Variants in SHLD1 observed in about 807,000 individuals in gnomAD.
SHLD1 encodes shieldin complex subunit 1, also known as RINN1-REV7-interacting novel NHEJ regulator 3.
In SHLD1, 3 loss-of-function variants were observed where a neutral mutation model predicts 5.5. The ratio of observed to expected loss-of-function variants is 0.54; its 90% CI spans 0.25 to 1.40. SHLD1 has a LOEUF of 1.40. Ranked by LOEUF, SHLD1 falls within the 40% of genes most tolerant of loss-of-function variation. The probability of loss-of-function intolerance (pLI) is 0.15; values close to 1 mark genes in which losing one functional copy is unlikely to be tolerated. For synonymous variants in SHLD1, 92 were observed against 94.3 expected (o/e 0.98, Z 0.14); for missense variants, 210 against 244.4 (o/e 0.86, Z 0.94).
intron 2 of SHLD1, among the ~76,000 whole-genome samples, chr20:5,837,828 C>T (rs950992063): frequency 7.2e-5 from 11 of 152,218 alleles, no homozygotes; most frequent in African/African-American, 2.4e-4. Flanking sequence ...TTTTAGGCTA[C>T]GCAATTTGTC....
intron 2 of SHLD1, among the ~76,000 whole-genome samples, chr20:5,811,934 T>A (rs2087464177): frequency 6.6e-6 from 1 of 152,022 alleles, no homozygotes; most frequent in South Asian, 2.1e-4. Context: ...CCAAGGCGAG[T>A]TACTTTCTCT....
At chr20:5,841,045 A>G (rs931172274) in intron 2 of SHLD1, among the ~76,000 whole-genome samples, 5 of 152,146 alleles carry the variant, frequency 3.3e-5, no homozygotes, top group African/African-American at 9.7e-5. Context: ...ACAAATATTT[A>G]GTGAATGTCT....
rs1460082835 is a variant in SHLD1, at chr20:5,844,799, A to ATATATATATATT, written c.179-18224_179-18223insATATATATATTT. Among the ~76,000 whole-genome samples, 24 of 71,716 alleles carry ATATATATATATT rather than the reference A, an allele frequency of 3.3e-4. No individual in the cohort carries two copies. In the East Asian group the frequency reaches 3.4e-3, roughly 10 times the overall value. The allele number at this position is 71,716 out of a possible 152,430, so 47.0% of individuals were successfully genotyped here. ...TATATATATATATATATATATATAT[A>ATATATATATATT]TTTTTTTTTTTTTGAGACACAGTCT... On this transcript the variant is annotated intron_variant, in intron 2 of 2. Transcript: ENST00000303142.
chr20:5,855,012 T>C lies in SHLD1; in HGVS notation c.179-8012T>C. On this transcript the variant is annotated intron_variant, in intron 2 of 2. Transcript: ENST00000303142. The surrounding 1 kb of genome is among the most constrained non-coding windows in gnomAD (Gnocchi z 4.4). ...CCTCAGCCTCCCAAGTAGCCGGGACTACAGGCATGAACCACCATGGCCGGC... is the reference window on the plus strand; with the variant it reads ...CCTCAGCCTCCCAAGTAGCCGGGACCACAGGCATGAACCACCATGGCCGGC... Among the ~76,000 whole-genome samples the C allele has an allele frequency of 6.6e-6, 1 of 152,080 alleles. No individual in the cohort carries two copies. Among genetic ancestry groups the C allele is most frequent in the East Asian group, 1.9e-4 (1 of 5,190 alleles).
rs188683358 is a variant in SHLD1 at position 5,791,846 on chromosome 20, A to T, written c.178+18803A>T. Reference sequence around the variant, plus strand: ...TCAATACACAATTCAGTTTCTCCACATCCTTGCCAACAACACTTGTTATTT... The same window carrying T: ...TCAATACACAATTCAGTTTCTCCACTTCCTTGCCAACAACACTTGTTATTT... On this transcript the variant is annotated intron_variant, in intron 2 of 2. Coordinates refer to ENST00000303142, the MANE Select transcript of SHLD1 (RefSeq NM_152504.4). 1.6e-3 allele frequency among the ~76,000 whole-genome samples: 241 copies of T among 152,312 alleles called. 3 individuals carry two copies. Among genetic ancestry groups the T allele is most frequent in the African/African-American group, 5.3e-3 (222 of 41,574 alleles).
chr20:5,853,625 C>G (rs2088040978), intron 2 of SHLD1, among the ~76,000 whole-genome samples: 1 of 152,026 alleles, frequency 6.6e-6, no homozygotes, highest in Non-Finnish European at 1.5e-5. Flanking sequence ...GTGATCCAAA[C>G]TTTTATTACT....
rs557959169 is a variant in SHLD1, at chr20:5,855,700, T to A, written c.179-7324T>A. On this transcript the variant is annotated intron_variant, in intron 2 of 2. Coordinates refer to ENST00000303142, the MANE Select transcript of SHLD1 (RefSeq NM_152504.4). The surrounding 1 kb of genome is among the most constrained non-coding windows in gnomAD (Gnocchi z 4.4). ...CAACCACATTTTATTTATCCATTTA[T>A]CTGTTGATAGCTGGGTTGCTTCTAA... 6.6e-6 allele frequency among the ~76,000 whole-genome samples: 1 copy of A among 152,312 alleles called. No homozygotes were observed. Among genetic ancestry groups the A allele is most frequent in the Admixed American group, 6.5e-5 (1 of 15,296 alleles).
At chr20:5,828,412 T>C (rs2087691151) in intron 2 of SHLD1, among the ~76,000 whole-genome samples, 1 of 152,202 alleles carries the variant, frequency 6.6e-6, no homozygotes, top group South Asian at 2.1e-4. Flanking sequence ...GCCTGCAGAA[T>C]GGGGACTCTA....
intron 2 of SHLD1, among the ~76,000 whole-genome samples, chr20:5,827,535 C>T (rs1199766221): frequency 6.6e-6 from 1 of 152,172 alleles, no homozygotes; most frequent in African/African-American, 2.4e-5. Flanking sequence ...CAGTCTGGCC[C>T]ACCTGCCTTC....
chr20:5,796,021 A>G (rs538643337), intron 2 of SHLD1, among the ~76,000 whole-genome samples: 1 of 152,150 alleles, frequency 6.6e-6, no homozygotes, highest in South Asian at 2.1e-4. Flanking sequence ...AGAAAATATC[A>G]TCTATTCCGG....
intron 1 of SHLD1, chr20:5,756,637 A>G (rs2122176359): frequency 6.0e-6 from 1 of 166,398 alleles, no homozygotes; most frequent in Non-Finnish European, 1.3e-5. Context: ...TATTCATTCT[A>G]TAAGATTTTT....
intron 2 of SHLD1, among the ~76,000 whole-genome samples, chr20:5,833,612 A>G (rs1221394793): frequency 6.6e-6 from 1 of 151,966 alleles, no homozygotes; most frequent in Non-Finnish European, 1.5e-5. Context: ...TGCTGCCTGT[A>G]GGAAGAGAGA....
chr20:5,779,488 A>G (rs1051442334), intron 2 of SHLD1, among the ~76,000 whole-genome samples: 1 of 152,154 alleles, frequency 6.6e-6, no homozygotes, highest in African/African-American at 2.4e-5. Context: ...TCTTGCCGAC[A>G]TTTTAATCTA....
At chr20:5,860,301 A>G (rs1400807910) in intron 2 of SHLD1, among the ~76,000 whole-genome samples, 1 of 152,204 alleles carries the variant, frequency 6.6e-6, no homozygotes, top group Non-Finnish European at 1.5e-5. Flanking sequence ...GTAGGCCAGC[A>G]AAGGAAGTTT....
chr20:5,778,283 GTTT>G (rs377277543), intron 2 of SHLD1, among the ~76,000 whole-genome samples: 1 of 129,950 alleles, frequency 7.7e-6, no homozygotes. Flanking sequence ...TGCCTGGCTA[GTTT>G]TTTTTTTTTT....
intron 2 of SHLD1, among the ~76,000 whole-genome samples, chr20:5,784,596 GC>G (rs1261953931): frequency 2.6e-5 from 4 of 151,758 alleles, no homozygotes; most frequent in Non-Finnish European, 5.9e-5. Flanking sequence ...GACTACAGGC[GC>G]CCGCCACCAC....
rs192236910 is a variant in SHLD1 at position 5,859,960 on chromosome 20, T to C, written c.179-3064T>C. Among the ~76,000 whole-genome samples, 332 of 152,290 alleles carry C rather than the reference T, an allele frequency of 2.2e-3. 3 individuals carry two copies. The highest frequency in any genetic ancestry group is 6.6e-3 in the African/African-American group (274 of 41,568). ...CCTGCATATCAAAGCACATTGACAATTTACTTACCAAGTACGTGCCATGTT... is the reference window on the plus strand; with the variant it reads ...CCTGCATATCAAAGCACATTGACAACTTACTTACCAAGTACGTGCCATGTT... On this transcript the variant is annotated intron_variant, in intron 2 of 2. Coordinates refer to ENST00000303142, the MANE Select transcript of SHLD1 (RefSeq NM_152504.4).
At chr20:5,807,281 T>C (rs1377794896) in intron 2 of SHLD1, among the ~76,000 whole-genome samples, 1 of 152,194 alleles carries the variant, frequency 6.6e-6, no homozygotes, top group Non-Finnish European at 1.5e-5. Flanking sequence ...TTTCATAAGT[T>C]ACTATTTATT....
At chr20:5,774,984 C>G (rs6053673) in intron 2 of SHLD1, among the ~76,000 whole-genome samples, 40,139 of 152,046 alleles carry the variant, frequency 0.26, 5,349 homozygotes, top group Middle Eastern at 0.33. Context: ...CCCTGGGTAG[C>G]AACAGCATTT....
Sources: gnomAD v4.1 joint callset for allele counts (sites outside exome capture counted in the v4.1 genomes callset) on GRCh38, gnomAD v4.1.1 for gene constraint, Gnocchi (gnomAD v3.1) non-coding constraint, MANE v1.5 for transcripts, NCBI Gene and HGNC (gene_info 2026-07-23, HGNC 2026-07-21) for gene names.